UNC79: variants seen among roughly 807,000 people sequenced by gnomAD.
UNC79 encodes the protein protein unc-79 homolog.
Under a neutral mutation model 283.1 loss-of-function variants are expected in UNC79, and 37 were observed. The observed-to-expected ratio is 0.13, with a 90% confidence interval of 0.10 to 0.17. The LOEUF is 0.17. UNC79 is among the 10% of genes least tolerant of loss of function. The probability of loss-of-function intolerance (pLI) is 1.00; values close to 1 mark genes in which losing one functional copy is unlikely to be tolerated. For synonymous variants in UNC79, 1,107 were observed against 1,200.2 expected (o/e 0.92, Z 1.61); for missense variants, 2,272 against 3,211.1 (o/e 0.71, Z 7.07).
intron 32 of UNC79, among the ~76,000 whole-genome samples, chr14:93,639,570 AT>A (rs1196508308): frequency 6.6e-6 from 1 of 152,244 alleles, no homozygotes; most frequent in Non-Finnish European, 1.5e-5. Context: ...GAAGGATGTT[AT>A]CTTGGATATA....
intron 41 of UNC79, among the ~76,000 whole-genome samples, chr14:93,676,540 T>G (rs1294437694): frequency 1.3e-5 from 2 of 152,198 alleles, no homozygotes; most frequent in Non-Finnish European, 2.9e-5. Context: ...CACCTAGACT[T>G]CAGGGCACTG....
chr14:93,337,205 C>G (rs1340955978), intron 1 of UNC79, among the ~76,000 whole-genome samples: 1 of 152,234 alleles, frequency 6.6e-6, no homozygotes, highest in Non-Finnish European at 1.5e-5. Flanking sequence ...GCACTTCATT[C>G]TGAGCCAATA....
intron 1 of UNC79, among the ~76,000 whole-genome samples, chr14:93,436,482 C>T (rs928143618): frequency 1.3e-5 from 2 of 151,578 alleles, no homozygotes; most frequent in African/African-American, 4.8e-5. Context: ...ACACAGCCAA[C>T]TGTTTTTTTT....
chr14:93,487,805 C>T, intron 5 of UNC79, 50 bp downstream of exon 5: 1 of 1,540,780 alleles, frequency 6.5e-7, no homozygotes, highest in South Asian at 1.2e-5. Context: ...AATAATTAAA[C>T]AAGACATCAA....
rs1441877961 is a variant in UNC79, at chr14:93,690,115, A to T, written c.7086-2A>T. On this transcript the variant is annotated splice_acceptor_variant, in intron 44 of 48. Transcript: ENST00000555664. LOFTEE classifies it high-confidence loss of function. This position sits in a 1 kb window ranked among gnomAD's most constrained non-coding sequence, Gnocchi z 4.3. Reference sequence around the variant, plus strand: ...TCTTTAACACTCCTTCTTCTCTAATAGACCTAAAGAATTCATTGAGTGTGT... The same window carrying T: ...TCTTTAACACTCCTTCTTCTCTAATTGACCTAAAGAATTCATTGAGTGTGT... 6.2e-7 allele frequency: 1 copy of T among 1,613,844 alleles called. No individual in the cohort carries two copies. Among genetic ancestry groups the T allele is most frequent in the Admixed American group, 1.7e-5 (1 of 59,980 alleles).
At chr14:93,375,841 G>A (rs1325507929) in intron 1 of UNC79, among the ~76,000 whole-genome samples, 1 of 152,100 alleles carries the variant, frequency 6.6e-6, no homozygotes, top group Non-Finnish European at 1.5e-5. Flanking sequence ...TTCAACATTG[G>A]GGATTACAAT....
At chr14:93,450,247 T>A (rs1292839072) in intron 1 of UNC79, among the ~76,000 whole-genome samples, 1 of 152,186 alleles carries the variant, frequency 6.6e-6, no homozygotes, top group Non-Finnish European at 1.5e-5. Context: ...GCAGAAACTT[T>A]CTGTGGGGGT....
At chr14:93,391,922 T>G (rs2054891418) in intron 1 of UNC79, among the ~76,000 whole-genome samples, 1 of 152,224 alleles carries the variant, frequency 6.6e-6, no homozygotes. Flanking sequence ...ATTAGCTGAA[T>G]GGCTTATATT....
At chr14:93,465,006 C>T (rs544271802) in intron 1 of UNC79, among the ~76,000 whole-genome samples, 1 of 152,312 alleles carries the variant, frequency 6.6e-6, no homozygotes, top group African/African-American at 2.4e-5. Flanking sequence ...GATTTTGTTG[C>T]ATTCACCAAT....
intron 22 of UNC79, among the ~76,000 whole-genome samples, chr14:93,587,790 T>C (rs535899330): frequency 1.3e-5 from 2 of 152,362 alleles, no homozygotes; most frequent in African/African-American, 4.8e-5. Context: ...TTCATGGTCA[T>C]GTATATGTAA....
intron 13 of UNC79, among the ~76,000 whole-genome samples, chr14:93,541,187 AT>A (rs1223280396): frequency 6.6e-6 from 1 of 152,220 alleles, no homozygotes; most frequent in African/African-American, 2.4e-5. Context: ...ATTCAATAAC[AT>A]ATACAGATAA....
intron 8 of UNC79, among the ~76,000 whole-genome samples, chr14:93,524,330 T>C (rs112949754): frequency 4.8e-4 from 73 of 152,370 alleles, no homozygotes; most frequent in African/African-American, 1.7e-3. Context: ...CCTTAACTGG[T>C]TTCTATTTCA....
intron 37 of UNC79, 81 bp downstream of exon 40, chr14:93,654,106 C>T (rs558433240): frequency 1.2e-5 from 14 of 1,188,652 alleles, no homozygotes; most frequent in Middle Eastern, 4.4e-4. Flanking sequence ...TTCTTTGAGT[C>T]ACACCATAGG....
At chr14:93,528,357 G>C (rs111854721) in intron 8 of UNC79, among the ~76,000 whole-genome samples, 1 of 152,242 alleles carries the variant, frequency 6.6e-6, no homozygotes, top group South Asian at 2.1e-4. Flanking sequence ...GAAAAACCAC[G>C]GCAGCCACAT....
chr14:93,529,430 AGTATT>A (rs747333390), intron 10 of UNC79, 104 bp downstream of exon 10: 228 of 1,253,266 alleles, frequency 1.8e-4, no homozygotes, highest in Non-Finnish European at 2.3e-4. Context: ...CAGTCACCAA[AGTATT>A]GTATTGTATG....
At chr14:93,554,057 T>A (rs1437488048) in intron 14 of UNC79, among the ~76,000 whole-genome samples, 1 of 152,110 alleles carries the variant, frequency 6.6e-6, no homozygotes, top group Non-Finnish European at 1.5e-5. Flanking sequence ...CCAGACCCAG[T>A]AAAGACAGCA....
chr14:93,606,362 T>C lies in UNC79; in HGVS notation c.3754+2944T>C, dbSNP rs1250767345. On this transcript the variant is annotated intron_variant, in intron 26 of 48. Coordinates refer to ENST00000555664, the Ensembl canonical transcript of UNC79. ...AGGAAAGGTAATTTACATGACACCA[T>C]CATAAGCAAAACTTGCTTAGATATG... Among the ~76,000 whole-genome samples the C allele has an allele frequency of 2.0e-5, 3 of 152,228 alleles. No homozygotes were observed. In the East Asian group the frequency reaches 5.8e-4, roughly 29 times the overall value.
At chr14:93,446,437 C>T (rs1174674386) in intron 1 of UNC79, among the ~76,000 whole-genome samples, 2 of 150,406 alleles carry the variant, frequency 1.3e-5, no homozygotes, top group Middle Eastern at 3.2e-3. Context: ...GCTCTGTTGC[C>T]CAGGCTGGAG....
chr14:93,539,349 C>T (rs185028399), intron 12 of UNC79, among the ~76,000 whole-genome samples: 3 of 150,792 alleles, frequency 2.0e-5, no homozygotes, highest in East Asian at 2.0e-4. Context: ...GGTGAAACCC[C>T]GTCTCTATTA....
Sources: allele counts gnomAD v4.1 joint callset (sites outside exome capture counted in the v4.1 genomes callset), GRCh38; gene constraint gnomAD v4.1.1; non-coding constraint Gnocchi (gnomAD v3.1); transcripts MANE v1.5; gene names NCBI Gene and HGNC (gene_info 2026-07-23, HGNC 2026-07-21).